The following LGR5 variants were observed in gnomAD, a reference collection of about 807,000 sequenced individuals.
The protein encoded by LGR5 is leucine-rich repeat-containing G protein-coupled receptor 5.
LGR5 carries 54 observed loss-of-function variants against 76.7 expected under a neutral mutation model. The observed-to-expected ratio is 0.70, with a 90% confidence interval of 0.57 to 0.88. The LOEUF (loss-of-function observed/expected upper bound fraction) is 0.88, where lower values mean the gene tolerates loss of function less well. Ranked by LOEUF, LGR5 falls within the 40% of genes least tolerant of loss-of-function variation. The pLI is 0.00. For missense variants in LGR5, 1,078 were observed against 1,073.3 expected (o/e 1.00, Z -0.06); for synonymous variants, 406 against 421.9 (o/e 0.96, Z 0.46).
intron 15 of LGR5, among the ~76,000 whole-genome samples, chr12:71,579,895 T>A (rs1276445573): frequency 6.6e-6 from 1 of 152,254 alleles, no homozygotes; most frequent in Non-Finnish European, 1.5e-5. Context: ...AGTGCATTTT[T>A]TATTGTTAGA....
Position 71,492,784 on chromosome 12 carries a change from T to TGTTTCAC in LGR5, c.213-11830_213-11829insGTTTCAC, listed in dbSNP as rs1565688530. 6.0e-4 allele frequency among the ~76,000 whole-genome samples: 91 copies of TGTTTCAC among 151,712 alleles called. 1 individual carries two copies. Among genetic ancestry groups the TGTTTCAC allele is most frequent in the African/African-American group, 2.1e-3 (88 of 40,990 alleles). On this transcript the variant is annotated intron_variant, in intron 1 of 17. Transcript: ENST00000266674. ...GTTTCTTTGTTCAGGACCTCTTGAT[T>TGTTTCAC]TTGAGTTATGATATGCATGAAGAGG...
intron 2 of LGR5, among the ~76,000 whole-genome samples, chr12:71,508,639 A>C (rs1874984060): frequency 6.6e-6 from 1 of 151,110 alleles, no homozygotes; most frequent in South Asian, 2.1e-4. Flanking sequence ...CTGTAGTTCC[A>C]GCTACTCAGG....
chr12:71,486,327 T>C (rs533103242), intron 1 of LGR5, among the ~76,000 whole-genome samples: 2 of 152,286 alleles, frequency 1.3e-5, no homozygotes, highest in South Asian at 2.1e-4. Context: ...CCTCGAGTTG[T>C]CTGAGCCCGA....
At chr12:71,465,725 T>A (rs1364288625) in intron 1 of LGR5, among the ~76,000 whole-genome samples, 1 of 152,216 alleles carries the variant, frequency 6.6e-6, no homozygotes, top group African/African-American at 2.4e-5. Context: ...CAGTTTCCTC[T>A]ATTAGAAACT....
chr12:71,471,758 A>G (rs543214066), intron 1 of LGR5, among the ~76,000 whole-genome samples: 1 of 152,062 alleles, frequency 6.6e-6, no homozygotes, highest in African/African-American at 2.4e-5. Context: ...TTTCCTTCCT[A>G]TAAAACAGGA....
chr12:71,452,420 ACT>A (rs1197612290), intron 1 of LGR5, among the ~76,000 whole-genome samples: 1 of 152,182 alleles, frequency 6.6e-6, no homozygotes, highest in East Asian at 1.9e-4. Context: ...GTTCCCCTAA[ACT>A]CTACGTAAAA....
chr12:71,550,971 C>T (rs1022530172), intron 4 of LGR5, among the ~76,000 whole-genome samples: 6 of 152,196 alleles, frequency 3.9e-5, no homozygotes, highest in Non-Finnish European at 8.8e-5. Context: ...ATAAGCCAGG[C>T]ACATTGTTGC....
At chr12:71,479,817 G>T (rs2137257709) in intron 1 of LGR5, among the ~76,000 whole-genome samples, 1 of 150,328 alleles carries the variant, frequency 6.7e-6, no homozygotes, top group Non-Finnish European at 1.5e-5. Context: ...TAACAACCAA[G>T]GTAATGGAGG....
intron 1 of LGR5, among the ~76,000 whole-genome samples, chr12:71,457,231 T>C (rs1204657608): frequency 6.6e-6 from 1 of 152,184 alleles, no homozygotes; most frequent in Non-Finnish European, 1.5e-5. Context: ...GCAGTCCCTG[T>C]TGGAAACAGA....
chr12:71,442,835 G>A (rs1302082450), intron 1 of LGR5, among the ~76,000 whole-genome samples: 3 of 152,300 alleles, frequency 2.0e-5, no homozygotes, highest in East Asian at 1.9e-4. Context: ...AAACATAAAA[G>A]AGGAATTTTG....
chr12:71,534,417 G>A (rs532931108), intron 3 of LGR5, among the ~76,000 whole-genome samples: 1 of 152,260 alleles, frequency 6.6e-6, no homozygotes, highest in Admixed American at 6.5e-5. Flanking sequence ...TCAAAATAAA[G>A]CCATGCAGAG....
Position 71,584,878 on chromosome 12 carries a change from C to G in LGR5, c.*144C>G. The G allele has an allele frequency of 1.3e-6, 1 of 756,782 alleles. No individual in the cohort carries two copies. The highest frequency in any genetic ancestry group is 2.1e-6 in the Non-Finnish European group (1 of 471,336). The allele number at this position is 756,782 out of a possible 1,614,324, so 46.9% of individuals were successfully genotyped here. On this transcript the variant is annotated 3_prime_UTR_variant, in exon 18 of 18. Transcript: ENST00000266674. Reference sequence around the variant, plus strand: ...GAATCTCTCAGTTAGTAAGAAAAGGCTGAAAACCTCTTGATACTTGAGAGT... The same window carrying G: ...GAATCTCTCAGTTAGTAAGAAAAGGGTGAAAACCTCTTGATACTTGAGAGT...
At chr12:71,470,316 G>C (rs1873043746) in intron 1 of LGR5, among the ~76,000 whole-genome samples, 1 of 152,186 alleles carries the variant, frequency 6.6e-6, no homozygotes, top group African/African-American at 2.4e-5. Context: ...TTCAGGCTCA[G>C]TTTGACTTGG....
intron 4 of LGR5, among the ~76,000 whole-genome samples, chr12:71,552,194 A>G (rs1341068959): frequency 2.0e-5 from 3 of 152,190 alleles, no homozygotes; most frequent in Non-Finnish European, 4.4e-5. Context: ...TGGCACATGT[A>G]TACCTATGTA....
chr12:71,451,530 C>T (rs891607251), intron 1 of LGR5, among the ~76,000 whole-genome samples: 4 of 152,118 alleles, frequency 2.6e-5, no homozygotes, highest in Middle Eastern at 3.2e-3. Context: ...TGAGTCTTTC[C>T]ATACTCAGCT....
chr12:71,580,170 A>G (rs945734369), intron 15 of LGR5, 108 bp from the exon 16 acceptor site: 2 of 1,015,018 alleles, frequency 2.0e-6, no homozygotes, highest in Non-Finnish European at 2.9e-6. Context: ...TGGATTATTT[A>G]TTTAGGCTAA....
At chr12:71,531,838 C>T (rs1177747909) in intron 3 of LGR5, among the ~76,000 whole-genome samples, 4 of 152,020 alleles carry the variant, frequency 2.6e-5, no homozygotes, top group Non-Finnish European at 5.9e-5. Flanking sequence ...ACTGCACTCC[C>T]GTGTGGGCGA....
At chr12:71,487,699 G>A (rs1305242106) in intron 1 of LGR5, among the ~76,000 whole-genome samples, 1 of 152,116 alleles carries the variant, frequency 6.6e-6, no homozygotes, top group Non-Finnish European at 1.5e-5. Flanking sequence ...ACCACACCTG[G>A]CTGAATTTTC....
At chr12:71,489,367 T>G (rs894568542) in intron 1 of LGR5, among the ~76,000 whole-genome samples, 2 of 152,204 alleles carry the variant, frequency 1.3e-5, no homozygotes, top group African/African-American at 4.8e-5. Context: ...TCCAAGCTCT[T>G]GGTGAGTCCT....
Sources: gnomAD v4.1 joint callset for allele counts (sites outside exome capture counted in the v4.1 genomes callset) on GRCh38, gnomAD v4.1.1 for gene constraint, MANE v1.5 for transcripts, NCBI Gene and HGNC (gene_info 2026-07-23, HGNC 2026-07-21) for gene names.